FREM3: variants seen among roughly 807,000 people sequenced by gnomAD.
FREM3 encodes the protein FRAS1-related extracellular matrix protein 3.
In FREM3, 105 loss-of-function variants were observed where a neutral mutation model predicts 129.1. That is an observed-to-expected ratio of 0.81 (90% CI 0.69 to 0.96). FREM3 has a LOEUF of 0.96. Among genes scored for constraint, FREM3 ranks in the 40% least tolerant of loss-of-function variants. The pLI, the probability that FREM3 is intolerant of heterozygous loss-of-function variation, is 0.00. For missense variants in FREM3, 2,593 were observed against 2,666.3 expected (o/e 0.97, Z 0.61); for synonymous variants, 1,014 against 1,044.9 (o/e 0.97, Z 0.57).
rs1740643858 is a variant in FREM3, at chr4:143,699,255, C to T, written c.1421G>A (p.Arg474Lys). 1.3e-6 allele frequency: 2 copies of T among 1,537,326 alleles called. No homozygotes were observed. Among genetic ancestry groups the T allele is most frequent in the East Asian group, 2.4e-5 (1 of 40,902 alleles). ...CACCAGCTGCCCATGTCTCAAGCCCCTGACTGCAGCCATTTTCACCTCTTC... is the reference window on the plus strand; with the variant it reads ...CACCAGCTGCCCATGTCTCAAGCCCTTGACTGCAGCCATTTTCACCTCTTC... ...NLEEVKMAAV[R>K]GLRHGQLVVF... The change falls in exon 1 of 8, where the codon AGG becomes AAG. Residue 474 changes from arginine to lysine, a missense_variant. Physicochemically the swap from Arg to Lys is conservative, Grantham distance 26. Around this residue, in one of 2 missense-constraint regions of FREM3, gnomAD observed 2,276 missense variants for 2,267.2 expected, o/e 1.00. Transcript: ENST00000329798. This position sits in a 1 kb window ranked among gnomAD's most constrained non-coding sequence, Gnocchi z 4.2.
intron 2 of FREM3, among the ~76,000 whole-genome samples, chr4:143,667,939 A>G (rs1286942321): frequency 1.3e-5 from 2 of 152,230 alleles, no homozygotes; most frequent in East Asian, 3.8e-4. Flanking sequence ...ACTTATAAAA[A>G]TAACAAATTC....
intron 7 of FREM3, among the ~76,000 whole-genome samples, chr4:143,578,691 A>G (rs6841626): frequency 0.44 from 67,348 of 152,006 alleles, 15,088 homozygotes; most frequent in Middle Eastern, 0.56. Flanking sequence ...CCTGCTAAAG[A>G]TGCATTACCT....
Position 143,681,154 on chromosome 4 carries a change from A to G in FREM3, c.5275+11959T>C, listed in dbSNP as rs557184595. On this transcript the variant is annotated intron_variant, in intron 2 of 7. Coordinates refer to ENST00000329798, the MANE Select transcript of FREM3 (RefSeq NM_001168235.2). ...TCTTGCACATAGCTAGCTGTTCAGTATGGCTTATTAGAAGGAATTGACTTG... is the reference window on the plus strand; with the variant it reads ...TCTTGCACATAGCTAGCTGTTCAGTGTGGCTTATTAGAAGGAATTGACTTG... 3.9e-5 allele frequency among the ~76,000 whole-genome samples: 6 copies of G among 152,242 alleles called. No homozygotes were observed. In the South Asian group the frequency reaches 1.0e-3, roughly 26 times the overall value.
Position 143,696,694 on chromosome 4 carries a change from G to A in FREM3, c.3982C>T (p.Arg1328Trp), listed in dbSNP as rs965798060. The stretch of plus-strand genomic sequence containing the variant: ...TCAAGATCTGTGGCCTTGAGGATCC[G>A]ATTTGTGATGATCTCAGAGTGTCCT... ...EKGHSEIITN[R>W]ILKATDLDSD... The change falls in exon 1 of 8, where the codon CGG becomes TGG. Residue 1328 changes from arginine (R) to tryptophan (W), a missense_variant. Physicochemically the swap from Arg to Trp is moderately radical, Grantham distance 101. This residue lies in a region of FREM3 where 2,276 missense variants were observed against 2,267.2 expected (regional missense o/e 1.00). Coordinates refer to ENST00000329798, the MANE Select transcript of FREM3 (RefSeq NM_001168235.2). 19 of 1,537,724 alleles carry A rather than the reference G, an allele frequency of 1.2e-5. No individual in the cohort carries two copies. The highest frequency in any genetic ancestry group is 1.2e-4 in the Admixed American group (6 of 50,976).
chr4:143,591,773 G>T (rs1738367465), intron 6 of FREM3, among the ~76,000 whole-genome samples: 2 of 152,176 alleles, frequency 1.3e-5, no homozygotes, highest in Admixed American at 6.5e-5. Context: ...GTGCAGAGCT[G>T]AGTTCAATTC....
Position 143,697,646 on chromosome 4 carries a change from C to T in FREM3, c.3030G>A (p.Glu1010=). The change falls in exon 1 of 8, where the codon GAG becomes GAA. Residue 1010 remains glutamate (E), a synonymous_variant. Transcript: ENST00000329798. The stretch of plus-strand genomic sequence containing the variant: ...AGGCTACTCTCCCATTGATGAGATC[C>T]TCTTGGGTGAATCGTTCTGTGGGCA... The part of the protein sequence containing the change: ...NGLPTERFTQ[E]DLINGRVAYA... The T allele has an allele frequency of 6.5e-7, 1 of 1,537,864 alleles. No homozygotes were observed. The highest frequency in any genetic ancestry group is 8.7e-7 in the Non-Finnish European group (1 of 1,147,062).
chr4:143,694,813 A>T (rs1740536387), intron 1 of FREM3, among the ~76,000 whole-genome samples: 1 of 152,214 alleles, frequency 6.6e-6, no homozygotes, highest in African/African-American at 2.4e-5. Flanking sequence ...CTGAGTTTGC[A>T]TCTAGGTTTA....
chr4:143,577,628 A>G lies in FREM3; in HGVS notation c.6403T>C (p.Cys2135Arg), dbSNP rs1578817036. 6.5e-7 allele frequency: 1 copy of G among 1,537,298 alleles called. No individual in the cohort carries two copies. Among genetic ancestry groups the G allele is most frequent in the East Asian group, 2.4e-5 (1 of 40,920 alleles). The change falls in exon 8 of 8, where the codon TGT (cysteine) becomes CGT (arginine). Residue 2135 changes from cysteine to arginine, a missense_variant. Cys to Arg is a radical substitution (Grantham distance 180, BLOSUM62 -3). Coordinates refer to ENST00000329798, the MANE Select transcript of FREM3 (RefSeq NM_001168235.2). ...AAAGTCTTTCAATCAAAGGAACTAC[A>G]AGCACTCTGCTTACAGTCCGTGATG... is the stretch of plus-strand genomic sequence containing the variant. ...DTITDCKQSA[C>R]SSFD
At chr4:143,664,398 C>T (rs1444398246) in intron 2 of FREM3, among the ~76,000 whole-genome samples, 1 of 152,118 alleles carries the variant, frequency 6.6e-6, no homozygotes. Flanking sequence ...TGCAGAACAG[C>T]ACATTTTTGT....
At chr4:143,589,004 G>C (rs1324560238) in intron 6 of FREM3, among the ~76,000 whole-genome samples, 1 of 152,044 alleles carries the variant, frequency 6.6e-6, no homozygotes, top group East Asian at 1.9e-4. Context: ...GTGATGATGA[G>C]CATTTTTTCA....
chr4:143,644,122 C>T (rs1454417647), intron 2 of FREM3, among the ~76,000 whole-genome samples: 4 of 151,970 alleles, frequency 2.6e-5, no homozygotes, highest in Non-Finnish European at 5.9e-5. Flanking sequence ...GAGAACAATC[C>T]AGGCTCTTGG....
At chr4:143,680,411 G>C (rs1329061896) in intron 2 of FREM3, among the ~76,000 whole-genome samples, 1 of 151,666 alleles carries the variant, frequency 6.6e-6, no homozygotes, top group Non-Finnish European at 1.5e-5. Context: ...GTTTATTATT[G>C]TATCATCTTC....
At position 143,697,278 on chromosome 4, in the gene FREM3, C is replaced by T. The variant is rs1238291664; in HGVS notation, c.3398G>A (p.Gly1133Asp). The change falls in exon 1 of 8, where the codon GGT becomes GAT. Residue 1133 changes from glycine (G) to aspartate (D), a missense_variant. By Grantham distance (94) the Gly-to-Asp change is moderately conservative. Around this residue, in one of 2 missense-constraint regions of FREM3, gnomAD observed 2,276 missense variants for 2,267.2 expected, o/e 1.00. Coordinates refer to ENST00000329798, the MANE Select transcript of FREM3 (RefSeq NM_001168235.2). ...GAGGGAGAAAGCACTGATAGGGCTA[C>T]CAGACTGGGACATTTTTGAACCAGG... ...SAPGSKMSQS[G>D]SPISAFSLRD... 6.5e-7 allele frequency: 1 copy of T among 1,537,258 alleles called. No individual in the cohort carries two copies. Among genetic ancestry groups the T allele is most frequent in the Non-Finnish European group, 8.7e-7 (1 of 1,146,934 alleles).
chr4:143,623,346 A>T (rs746702361), intron 4 of FREM3, among the ~76,000 whole-genome samples: 5 of 152,142 alleles, frequency 3.3e-5, no homozygotes, highest in Non-Finnish European at 7.3e-5. Flanking sequence ...TTCAGAGCAC[A>T]CTAATGCAGG....
chr4:143,625,549 C>T (rs1739023989), intron 3 of FREM3, among the ~76,000 whole-genome samples: 1 of 152,130 alleles, frequency 6.6e-6, no homozygotes, highest in South Asian at 2.1e-4. Flanking sequence ...ATTGAATGTC[C>T]AATATTTAGG....
intron 6 of FREM3, among the ~76,000 whole-genome samples, chr4:143,588,381 T>G (rs896984686): frequency 2.0e-5 from 3 of 151,972 alleles, no homozygotes; most frequent in Non-Finnish European, 4.4e-5. Context: ...CTCCTAATGC[T>G]ATCCCTCCCC....
At position 143,699,150 on chromosome 4, in the gene FREM3, C is replaced by T; in HGVS notation, c.1526G>A (p.Gly509Asp). 2 of 1,537,388 alleles carry T rather than the reference C, an allele frequency of 1.3e-6. No individual in the cohort carries two copies. The highest frequency in any genetic ancestry group is 8.7e-7 in the Non-Finnish European group (1 of 1,146,952). ...AAGRVVYQHD[G>D]SNTYSDNIIF... The stretch of plus-strand genomic sequence containing the variant: ...GATATTGTCACTGTAGGTGTTGCTG[C>T]CATCATGCTGATACACCACTCGCCC... Residue 509 changes from glycine to aspartate, a missense_variant, in exon 1 of 8, where the codon GGC (glycine) becomes GAC (aspartate). Around this residue, in one of 2 missense-constraint regions of FREM3, gnomAD observed 2,276 missense variants for 2,267.2 expected, o/e 1.00. Transcript: ENST00000329798. The surrounding 1 kb of genome is among the most constrained non-coding windows in gnomAD (Gnocchi z 4.2).
intron 6 of FREM3, among the ~76,000 whole-genome samples, chr4:143,595,228 T>C (rs898444913): frequency 6.6e-6 from 1 of 152,190 alleles, no homozygotes; most frequent in Non-Finnish European, 1.5e-5. Context: ...ATTTTTCCAG[T>C]TGTCTCAGGA....
At chr4:143,630,081 C>T (rs1429532523) in intron 2 of FREM3, among the ~76,000 whole-genome samples, 5 of 152,126 alleles carry the variant, frequency 3.3e-5, no homozygotes, top group African/African-American at 1.2e-4. Flanking sequence ...GACCCAGGTT[C>T]TGGGCCTGCC....
Sources: gnomAD v4.1 joint callset for allele counts (sites outside exome capture counted in the v4.1 genomes callset) on GRCh38, gnomAD v4.1.1 for gene constraint, gnomAD v4.1.1 regional missense constraint, Gnocchi (gnomAD v3.1) non-coding constraint, MANE v1.5 for transcripts, NCBI Gene and HGNC (gene_info 2026-07-23, HGNC 2026-07-21) for gene names.